The following TENM2 variants were observed in gnomAD, a reference collection of about 807,000 sequenced individuals.
TENM2 encodes the protein teneurin-2.
A neutral mutation model predicts 245.2 loss-of-function variants in TENM2; 52 were observed. The ratio of observed to expected loss-of-function variants is 0.21; its 90% CI spans 0.17 to 0.27. The LOEUF (loss-of-function observed/expected upper bound fraction) is 0.27, where lower values mean the gene tolerates loss of function less well. TENM2 is among the 10% of genes least tolerant of loss of function. The probability of loss-of-function intolerance (pLI) is 1.00; values close to 1 mark genes in which losing one functional copy is unlikely to be tolerated. For synonymous variants in TENM2, 1,363 were observed against 1,438.9 expected (o/e 0.95, Z 1.19); for missense variants, 3,046 against 3,666.8 (o/e 0.83, Z 4.37).
At chr5:167,312,866 C>T (rs180972303) in intron 1 of TENM2, among the ~76,000 whole-genome samples, 20 of 150,582 alleles carry the variant, frequency 1.3e-4, no homozygotes, top group African/African-American at 2.9e-4. Flanking sequence ...CAGAATCAAG[C>T]GACAGGATAG....
At chr5:167,823,413 C>A (rs1339011636) in intron 2 of TENM2, among the ~76,000 whole-genome samples, 1 of 152,168 alleles carries the variant, frequency 6.6e-6, no homozygotes, top group Non-Finnish European at 1.5e-5. Context: ...CACAGACACA[C>A]ACAATGTACA....
intron 13 of TENM2, among the ~76,000 whole-genome samples, chr5:168,168,599 G>T (rs1581518957): frequency 6.6e-6 from 1 of 150,910 alleles, no homozygotes; most frequent in Non-Finnish European, 1.5e-5. Context: ...TAGAAGGATC[G>T]CTTGCTCAGG....
At chr5:167,691,981 G>A (rs1471890931) in intron 2 of TENM2, among the ~76,000 whole-genome samples, 2 of 152,118 alleles carry the variant, frequency 1.3e-5, no homozygotes, top group Non-Finnish European at 2.9e-5. Context: ...CACCATTTGC[G>A]GGAGAGGAGT....
chr5:168,061,719 C>G (rs1023944449), intron 6 of TENM2, among the ~76,000 whole-genome samples: 6 of 152,274 alleles, frequency 3.9e-5, no homozygotes, highest in East Asian at 1.9e-4. Context: ...ACCCTCCCCT[C>G]CCCTGCTGAT....
At chr5:167,928,646 C>A (rs1164805050) in intron 3 of TENM2, among the ~76,000 whole-genome samples, 1 of 152,036 alleles carries the variant, frequency 6.6e-6, no homozygotes, top group East Asian at 1.9e-4. Flanking sequence ...GTAATCCCAG[C>A]ATTTTGGGAG....
At chr5:168,007,586 G>A (rs1366517010) in intron 5 of TENM2, among the ~76,000 whole-genome samples, 1 of 152,150 alleles carries the variant, frequency 6.6e-6, no homozygotes, top group Admixed American at 6.6e-5. Context: ...CAGTATAGAA[G>A]GGCACTCAAC....
intron 1 of TENM2, among the ~76,000 whole-genome samples, chr5:167,292,391 T>C (rs1000952904): frequency 2.0e-5 from 3 of 152,218 alleles, no homozygotes; most frequent in Admixed American, 2.0e-4. Context: ...AAGCCTCTTT[T>C]TTCTTGATCC....
rs1760294482 is a variant in TENM2 at position 167,729,881 on chromosome 5, G to A, written c.503-146105G>A. Among the ~76,000 whole-genome samples, 3 of 152,188 alleles carry A rather than the reference G, an allele frequency of 2.0e-5. No homozygotes were observed. The South Asian group carries it at 6.2e-4, about 32-fold the overall frequency. On this transcript the variant is annotated intron_variant, in intron 2 of 28. Coordinates refer to ENST00000518659, the Ensembl canonical transcript of TENM2. The stretch of plus-strand genomic sequence containing the variant: ...CTCTGCCACCAGACCGTGAGCACTT[G>A]TTGAAATAGTTGGAGACATCTAATT...
chr5:167,056,582 A>AATATATCTATATAAAT, the TENM2 span, among the ~76,000 whole-genome samples: 17 of 145,578 alleles, frequency 1.2e-4, no homozygotes, highest in East Asian at 1.6e-3. Context: ...TATCTATATA[A>AATATATCTATATAAAT]ATATATCTAT....
At chr5:167,794,134 A>C (rs1344750477) in intron 2 of TENM2, among the ~76,000 whole-genome samples, 1 of 152,116 alleles carries the variant, frequency 6.6e-6, no homozygotes, top group Non-Finnish European at 1.5e-5. Context: ...AATATATTAC[A>C]GTAGCTATGT....
chr5:167,900,859 A>G (rs950184664), intron 3 of TENM2, among the ~76,000 whole-genome samples: 3 of 149,722 alleles, frequency 2.0e-5, no homozygotes, highest in Non-Finnish European at 3.0e-5. Context: ...TGAGGCCTTG[A>G]GAGGAGACAG....
At position 167,889,037 on chromosome 5, in the gene TENM2, C is replaced by G. The variant is rs184338782; in HGVS notation, c.712+12842C>G. Among the ~76,000 whole-genome samples the G allele has an allele frequency of 3.9e-5, 6 of 152,294 alleles. No homozygotes were observed. The East Asian group carries it at 1.2e-3, about 29-fold the overall frequency. On this transcript the variant is annotated intron_variant, in intron 3 of 28. Coordinates refer to ENST00000518659, the Ensembl canonical transcript of TENM2. ...TGCAGTGATCAATCGTTCTTCTTTT[C>G]TCTCTTCCACTCCAAAGGCAGACTT...
At chr5:167,199,936 TTTC>T in the TENM2 span, among the ~76,000 whole-genome samples, 1 of 151,388 alleles carries the variant, frequency 6.6e-6, no homozygotes, top group Non-Finnish European at 1.5e-5. Context: ...AAGGCATAAG[TTTC>T]TTTTCTTTGT....
At chr5:167,293,861 A>G (rs1754796803) in intron 1 of TENM2, among the ~76,000 whole-genome samples, 1 of 147,384 alleles carries the variant, frequency 6.8e-6, no homozygotes, top group Non-Finnish European at 1.5e-5. Context: ...CCAGGCAAGG[A>G]AAAAATAGAG....
intron 2 of TENM2, among the ~76,000 whole-genome samples, chr5:167,694,158 T>C (rs2150413652): frequency 6.6e-6 from 1 of 152,304 alleles, no homozygotes; most frequent in South Asian, 2.1e-4. Flanking sequence ...TCCTCTGCAC[T>C]TATCCAGCTC....
intron 11 of TENM2, 140 bp from the exon 14 acceptor site, chr5:168,126,614 G>C: frequency 1.5e-6 from 1 of 650,792 alleles, no homozygotes; most frequent in Non-Finnish European, 2.7e-6. Context: ...ACCCAGCCAA[G>C]GAGAGACAAG....
At chr5:168,009,409 C>T (rs866844056) in intron 5 of TENM2, among the ~76,000 whole-genome samples, 5 of 152,146 alleles carry the variant, frequency 3.3e-5, no homozygotes, top group Admixed American at 2.0e-4. Context: ...GCTGACTTAC[C>T]GTACCAGGCT....
At chr5:167,099,379 T>C in the TENM2 span, among the ~76,000 whole-genome samples, 1 of 152,224 alleles carries the variant, frequency 6.6e-6, no homozygotes, top group East Asian at 1.9e-4. Context: ...ATATTGCAGC[T>C]TATCTGTGAC....
chr5:167,695,730 A>C (rs1032593504), intron 2 of TENM2, among the ~76,000 whole-genome samples: 10 of 151,636 alleles, frequency 6.6e-5, no homozygotes, highest in African/African-American at 2.2e-4. Flanking sequence ...GTGATTTAAA[A>C]AAAAAAAAAA....
Sources: allele counts gnomAD v4.1 joint callset (sites outside exome capture counted in the v4.1 genomes callset), GRCh38; gene constraint gnomAD v4.1.1; transcripts MANE v1.5; gene names NCBI Gene and HGNC (gene_info 2026-07-23, HGNC 2026-07-21).